Variants in MMP26 observed in about 807,000 individuals in gnomAD.
MMP26 encodes the protein matrix metallopeptidase 26.
MMP26 carries 33 observed loss-of-function variants against 31.0 expected under a neutral mutation model. That is an observed-to-expected ratio of 1.06 (90% CI 0.81 to 1.42). MMP26 has a LOEUF of 1.42. Ranked by LOEUF, MMP26 falls within the 40% of genes most tolerant of loss-of-function variation. MMP26 has a pLI of 0.00. For missense variants in MMP26, 347 were observed against 316.1 expected (o/e 1.10, Z -0.74); for synonymous variants, 122 against 114.9 (o/e 1.06, Z -0.40).
intron 1 of MMP26, among the ~76,000 whole-genome samples, chr11:4,718,250 C>G (rs1050020953): frequency 1.3e-5 from 2 of 152,220 alleles, no homozygotes; most frequent in Non-Finnish European, 2.9e-5. Context: ...ATATATTACT[C>G]TTTGTCTAAA....
chr11:4,786,509 T>TATTA (rs1564909334), intron 2 of MMP26, among the ~76,000 whole-genome samples: 2 of 145,800 alleles, frequency 1.4e-5, no homozygotes, highest in Non-Finnish European at 3.0e-5. Context: ...TTTTTTTTTT[T>TATTA]TTTTTTTTTT....
chr11:4,907,800 T>C (rs924075520), intron 2 of MMP26: 23 of 1,613,892 alleles, frequency 1.4e-5, no homozygotes, highest in Non-Finnish European at 1.9e-5. Flanking sequence ...GTTGCTAAAA[T>C]GGGACTTATT....
intron 1 of MMP26, among the ~76,000 whole-genome samples, chr11:4,709,364 A>T (rs4331086): frequency 0.83 from 126,564 of 152,174 alleles, 52,896 homozygotes; most frequent in South Asian, 0.89. Flanking sequence ...TCTTTACACA[A>T]TTTAGTGTCT....
At chr11:4,968,454 G>C (rs1846624100) in intron 2 of MMP26, among the ~76,000 whole-genome samples, 1 of 151,644 alleles carries the variant, frequency 6.6e-6, no homozygotes, top group Non-Finnish European at 1.5e-5. Flanking sequence ...TTTAGGATTT[G>C]ATTTTGGAAA....
chr11:4,807,118 A>G (rs909867744), intron 2 of MMP26, among the ~76,000 whole-genome samples: 1 of 152,060 alleles, frequency 6.6e-6, no homozygotes, highest in Non-Finnish European at 1.5e-5. Flanking sequence ...GACTTAAACA[A>G]TTTTTTTTAA....
intron 2 of MMP26, among the ~76,000 whole-genome samples, chr11:4,970,583 G>C (rs1364480054): frequency 6.6e-6 from 1 of 152,214 alleles, no homozygotes; most frequent in Non-Finnish European, 1.5e-5. Flanking sequence ...GCTGTGGTGA[G>C]GCTATTCTGG....
intron 2 of MMP26, among the ~76,000 whole-genome samples, chr11:4,903,571 G>A (rs1850834892): frequency 1.3e-5 from 2 of 152,062 alleles, no homozygotes; most frequent in South Asian, 2.1e-4. Context: ...TTTCAGATGA[G>A]TAGTCTCCCT....
chr11:4,798,680 A>G (rs1003783996), intron 2 of MMP26, among the ~76,000 whole-genome samples: 2 of 152,184 alleles, frequency 1.3e-5, no homozygotes, highest in Non-Finnish European at 2.9e-5. Flanking sequence ...GGAAGTGGGT[A>G]TGATGAGAAC....
intron 2 of MMP26, chr11:4,946,223 T>C (rs1027138951): frequency 1.2e-6 from 2 of 1,614,066 alleles, no homozygotes; most frequent in Non-Finnish European, 8.5e-7. Context: ...TTTTACACAA[T>C]AAACAATTGG....
chr11:4,926,680 T>C (rs796203265), intron 2 of MMP26, among the ~76,000 whole-genome samples: 1 of 152,144 alleles, frequency 6.6e-6, no homozygotes, highest in Non-Finnish European at 1.5e-5. Flanking sequence ...TAGTATTCCA[T>C]CCCATTTATT....
At chr11:4,884,666 G>A (rs894765185) in intron 2 of MMP26, among the ~76,000 whole-genome samples, 6 of 152,020 alleles carry the variant, frequency 3.9e-5, no homozygotes, top group South Asian at 2.1e-4. Context: ...CTGGCTTTAC[G>A]ATTGCTTCTT....
At chr11:4,959,494 G>A (rs1239853409) in intron 2 of MMP26, among the ~76,000 whole-genome samples, 1 of 151,962 alleles carries the variant, frequency 6.6e-6, no homozygotes, top group African/African-American at 2.4e-5. Flanking sequence ...CCTCTCTTCT[G>A]CTAGGCTATA....
intron 2 of MMP26, chr11:4,821,805 C>T: frequency 6.2e-7 from 1 of 1,612,842 alleles, no homozygotes; most frequent in South Asian, 1.1e-5. Context: ...TTGTGGCCAT[C>T]TGTTACCCAC....
rs185612414 is a variant in MMP26 at position 4,899,786 on chromosome 11, A to G, written c.-144-88282A>G. Among the ~76,000 whole-genome samples the G allele has an allele frequency of 3.3e-5, 5 of 152,294 alleles. No homozygotes were observed. The East Asian group carries it at 9.6e-4, about 29-fold the overall frequency. On this transcript the variant is annotated intron_variant, in intron 2 of 7. Transcript: ENST00000380390. Reference sequence around the variant, plus strand: ...CAAAGTTATTAGGCAAGAGCTTAACATAAATTTTATTTATTTTATTTTTAA... The same window carrying G: ...CAAAGTTATTAGGCAAGAGCTTAACGTAAATTTTATTTATTTTATTTTTAA...
intron 1 of MMP26, among the ~76,000 whole-genome samples, chr11:4,741,491 C>G (rs1407893749): frequency 6.6e-6 from 1 of 152,126 alleles, no homozygotes; most frequent in African/African-American, 2.4e-5. Context: ...AGATCATGTC[C>G]TTTGCAGGGA....
Position 4,992,314 on chromosome 11 carries a change from T to A in MMP26, c.*72T>A. 6.8e-7 allele frequency: 1 copy of A among 1,474,530 alleles called. No individual in the cohort carries two copies. The highest frequency in any genetic ancestry group is 9.3e-7 in the Non-Finnish European group (1 of 1,075,606). 91.3% of individuals were successfully genotyped at this position (1,474,530 alleles called of 1,614,324 possible). On this transcript the variant is annotated 3_prime_UTR_variant, in exon 8 of 8. Transcript: ENST00000380390. ...TGGAGGATCAAAGAACTGAAAGCAC[T>A]AGAGCAGCCTTGGGGACTGCTAGGA...
Position 4,967,230 on chromosome 11 carries a change from A to C in MMP26, c.-144-20838A>C, listed in dbSNP as rs563799191. On this transcript the variant is annotated intron_variant, in intron 2 of 7. Transcript: ENST00000380390. ...TAAAAGTGGTACTCAATAAGGGAGT[A>C]CTGTAATTTCCCAGTGAAACAAAAT... Among the ~76,000 whole-genome samples the C allele has an allele frequency of 2.6e-5, 4 of 152,336 alleles. No homozygotes were observed. The South Asian group carries it at 6.2e-4, about 24-fold the overall frequency.
intron 1 of MMP26, among the ~76,000 whole-genome samples, chr11:4,706,097 C>G (rs1847773260): frequency 6.6e-6 from 1 of 151,964 alleles, no homozygotes; most frequent in Non-Finnish European, 1.5e-5. Context: ...ATTCTATGAG[C>G]TATGTACAGT....
At chr11:4,979,263 A>T (rs570073858) in intron 2 of MMP26, among the ~76,000 whole-genome samples, 14 of 152,262 alleles carry the variant, frequency 9.2e-5, no homozygotes, top group African/African-American at 3.4e-4. Context: ...CCTTGCCAAG[A>T]TTCCAGATCT....
Sources: gnomAD v4.1 joint callset for allele counts (sites outside exome capture counted in the v4.1 genomes callset) on GRCh38, gnomAD v4.1.1 for gene constraint, MANE v1.5 for transcripts, NCBI Gene and HGNC (gene_info 2026-07-23, HGNC 2026-07-21) for gene names.